Variants in GRK3 observed in about 807,000 individuals in gnomAD.
The protein encoded by GRK3 is G protein-coupled receptor kinase 3.
Under a neutral mutation model 95.7 loss-of-function variants are expected in GRK3, and 54 were observed. The observed-to-expected ratio is 0.56, with a 90% confidence interval of 0.45 to 0.71. GRK3 has a LOEUF of 0.71. Among genes scored for constraint, GRK3 ranks in the 30% least tolerant of loss-of-function variants. GRK3 has a pLI of 0.00. For synonymous variants in GRK3, 281 were observed against 290.8 expected, an observed-to-expected ratio of 0.97 and a Z score of 0.34; for missense variants, 649 against 851.2, an observed-to-expected ratio of 0.76 and a Z score of 2.96.
At chr22:25,636,756 A>G (rs770950655) in intron 2 of GRK3, among the ~76,000 whole-genome samples, 5 of 152,152 alleles carry the variant, frequency 3.3e-5, no homozygotes, top group Non-Finnish European at 5.9e-5. Flanking sequence ...TTTTTTAAAA[A>G]CCATAGATCA....
rs1326239969 is a variant in GRK3, at chr22:25,687,878, G to GGTGCCTACTACA, written c.957+218_957+229dup. 2.0e-5 allele frequency among the ~76,000 whole-genome samples: 3 copies of GGTGCCTACTACA among 152,212 alleles called. No individual in the cohort carries two copies. In the East Asian group the frequency reaches 5.8e-4, roughly 29 times the overall value. Reference sequence around the variant, plus strand: ...CTGTCCCTGTCATTATTATAACCCTGGTGCCTACTACAGTGCCTGCTGCAG... The same window carrying GGTGCCTACTACA: ...CTGTCCCTGTCATTATTATAACCCTGGTGCCTACTACAGTGCCTACTACAGTGCCTGCTGCAG... On this transcript the variant is annotated intron_variant, in intron 11 of 20. Transcript: ENST00000324198.
At chr22:25,676,708 A>G (rs764457439) in intron 8 of GRK3, among the ~76,000 whole-genome samples, 1 of 151,882 alleles carries the variant, frequency 6.6e-6, no homozygotes, top group Non-Finnish European at 1.5e-5. Flanking sequence ...AAAAAAGGAA[A>G]TAATATCAAC....
rs544783783 is a variant in GRK3, at chr22:25,572,889, A to C, written c.113+7736A>C. 1.3e-5 allele frequency among the ~76,000 whole-genome samples: 2 copies of C among 152,318 alleles called. 1 individual carries two copies. Among genetic ancestry groups the C allele is most frequent in the Middle Eastern group, 6.8e-3 (2 of 294 alleles). On this transcript the variant is annotated intron_variant, in intron 1 of 20. Coordinates refer to ENST00000324198, the MANE Select transcript of GRK3 (RefSeq NM_005160.4). Reference sequence around the variant, plus strand: ...GAATAACATAGGATTGTAGTATCTCATGTTTGAAAAGATGTTGGGGGACAT... The same window carrying C: ...GAATAACATAGGATTGTAGTATCTCCTGTTTGAAAAGATGTTGGGGGACAT...
rs764682652 is a variant in GRK3, at chr22:25,577,178, A to ATT, written c.113+12038_113+12039dup. On this transcript the variant is annotated intron_variant, in intron 1 of 20. Transcript: ENST00000324198. Reference sequence around the variant, plus strand: ...TCAGTTACTCTAGATACAATAAAGGATTTTTTTTTTTTTTGAGACAGTCTC... The same window carrying ATT: ...TCAGTTACTCTAGATACAATAAAGGATTTTTTTTTTTTTTTTGAGACAGTCTC... 1.5e-3 allele frequency among the ~76,000 whole-genome samples: 217 copies of ATT among 144,682 alleles called. 1 individual carries two copies. The highest frequency in any genetic ancestry group is 5.3e-3 in the African/African-American group (212 of 39,630). 94.9% of individuals were successfully genotyped at this position (144,682 alleles called of 152,430 possible). A position where few individuals can be genotyped will look rare whatever the true frequency, so the allele number is the denominator to read the frequency against.
chr22:25,647,909 G>C, intron 3 of GRK3: 2 of 549,952 alleles, frequency 3.6e-6, no homozygotes, highest in East Asian at 7.5e-5. Flanking sequence ...TCAGGAGTTC[G>C]AGACTAGCCT....
chr22:25,632,945 C>A (rs2146369811), intron 2 of GRK3, among the ~76,000 whole-genome samples: 1 of 152,198 alleles, frequency 6.6e-6, no homozygotes, highest in African/African-American at 2.4e-5. Context: ...GAGTCTTGCT[C>A]TGTCACCCAG....
chr22:25,722,315 G>T lies in GRK3; in HGVS notation c.1932G>T (p.Lys644Asn), dbSNP rs551524211. ...CESDPEFVQWKKELNETFKEA... is the reference protein window; with the variant it reads ...CESDPEFVQWNKELNETFKEA... ...GTGATCCAGAGTTTGTGCAGTGGAA[G>T]AAAGAGTTGAACGAAACCTTCAAGG... The change falls in exon 21 of 21, where the codon AAG becomes AAT. Residue 644 changes from lysine (K) to asparagine (N), a missense_variant. Lys to Asn is a moderately conservative substitution (Grantham distance 94). Around this residue, in one of 3 missense-constraint regions of GRK3, gnomAD observed 382 missense variants for 493.8 expected, o/e 0.77. Coordinates refer to ENST00000324198, the MANE Select transcript of GRK3 (RefSeq NM_005160.4). 1.1e-5 allele frequency: 18 copies of T among 1,614,194 alleles called. No homozygotes were observed. The East Asian group carries it at 3.8e-4, about 34-fold the overall frequency.
At chr22:25,699,475 C>T (rs1011217308) in intron 13 of GRK3, among the ~76,000 whole-genome samples, 1 of 151,968 alleles carries the variant, frequency 6.6e-6, no homozygotes, top group African/African-American at 2.4e-5. Context: ...ACTGGCATCC[C>T]CTAAGTAGAG....
Position 25,620,018 on chromosome 22 carries a change from G to T in GRK3, c.190+15565G>T, listed in dbSNP as rs4049392. ...TCCTTTGTCTTTTTTGTGTGTGTGT[G>T]TGTGTGTGTGTGTGTGTGTGTGTGT... On this transcript the variant is annotated intron_variant, in intron 2 of 20. Transcript: ENST00000324198. 2.8e-3 allele frequency among the ~76,000 whole-genome samples: 374 copies of T among 135,398 alleles called. 1 individual carries two copies. The highest frequency in any genetic ancestry group is 4.1e-3 in the Non-Finnish European group (255 of 62,502). 88.8% of individuals were successfully genotyped at this position (135,398 alleles called of 152,430 possible).
intron 2 of GRK3, among the ~76,000 whole-genome samples, chr22:25,621,554 A>G (rs1175923211): frequency 6.6e-6 from 1 of 152,374 alleles, no homozygotes; most frequent in South Asian, 2.1e-4. Context: ...TAACCTTTGG[A>G]GCAAAATTTT....
intron 19 of GRK3, among the ~76,000 whole-genome samples, chr22:25,720,145 C>A (rs1467031459): frequency 6.6e-6 from 1 of 151,908 alleles, no homozygotes; most frequent in East Asian, 1.9e-4. Flanking sequence ...ATTATGCTAC[C>A]CACTGGCATG....
At chr22:25,646,987 C>T (rs2084787861) in intron 3 of GRK3, among the ~76,000 whole-genome samples, 1 of 133,404 alleles carries the variant, frequency 7.5e-6, no homozygotes, top group Admixed American at 8.1e-5. Context: ...TGCCATTGCA[C>T]TCTAGCCTGG....
At chr22:25,683,774 C>T (rs946334305) in intron 9 of GRK3, among the ~76,000 whole-genome samples, 3 of 151,736 alleles carry the variant, frequency 2.0e-5, no homozygotes, top group African/African-American at 7.3e-5. Context: ...GATATGAGTC[C>T]TTTGTGTATT....
Position 25,663,683 on chromosome 22 carries a change from A to C in GRK3, c.420A>C (p.Gln140His). 1 of 1,611,322 alleles carries C rather than the reference A, an allele frequency of 6.2e-7. No individual in the cohort carries two copies. The highest frequency in any genetic ancestry group is 8.5e-7 in the Non-Finnish European group (1 of 1,178,282). ...TACAAAGTCATTTATCCAAGAAACA[A>C]GTGACATCAACTCTTTTTCAGGTAA... ...EHVQSHLSKKQVTSTLFQPYI... is the reference protein window; with the variant it reads ...EHVQSHLSKKHVTSTLFQPYI... The change falls in exon 5 of 21, where the codon CAA (glutamine) becomes CAC (histidine). Residue 140 changes from glutamine (Q) to histidine (H), a missense_variant. By Grantham distance (24) the Gln-to-His change is conservative. This residue lies in a region of GRK3 where 206 missense variants were observed against 231.4 expected (regional missense o/e 0.89). Transcript: ENST00000324198.
chr22:25,571,837 C>T (rs1931708423), intron 1 of GRK3, among the ~76,000 whole-genome samples: 1 of 152,072 alleles, frequency 6.6e-6, no homozygotes, highest in South Asian at 2.1e-4. Context: ...ACCTTCTACA[C>T]ATGATACCTT....
intron 18 of GRK3, among the ~76,000 whole-genome samples, chr22:25,714,813 G>A (rs1187616030): frequency 6.6e-6 from 1 of 152,126 alleles, no homozygotes; most frequent in Non-Finnish European, 1.5e-5. Flanking sequence ...CTTTTATCTT[G>A]GAGTGCTTGG....
intron 3 of GRK3, among the ~76,000 whole-genome samples, chr22:25,650,302 A>G (rs1372715188): frequency 6.6e-6 from 1 of 152,174 alleles, no homozygotes; most frequent in Non-Finnish European, 1.5e-5. Context: ...TGGCCTCCCA[A>G]AGGCATGAGC....
intron 2 of GRK3, among the ~76,000 whole-genome samples, chr22:25,632,985 A>AC (rs796938246): frequency 3.9e-5 from 6 of 152,174 alleles, no homozygotes; most frequent in African/African-American, 1.2e-4. Context: ...ATCTTGGCTC[A>AC]CTGCAACCTC....
intron 1 of GRK3, among the ~76,000 whole-genome samples, chr22:25,566,256 C>T (rs1426670748): frequency 5.9e-5 from 9 of 152,124 alleles, no homozygotes; most frequent in Non-Finnish European, 1.3e-4. Flanking sequence ...GAATTTGAAA[C>T]CATGCAATTC....
Sources: gnomAD v4.1 joint callset for allele counts (sites outside exome capture counted in the v4.1 genomes callset) on GRCh38, gnomAD v4.1.1 for gene constraint, gnomAD v4.1.1 regional missense constraint, MANE v1.5 for transcripts, NCBI Gene and HGNC (gene_info 2026-07-23, HGNC 2026-07-21) for gene names.